Variants in KIAA0408 observed in about 807,000 individuals in gnomAD.
The protein encoded by KIAA0408 is KIAA0408.
KIAA0408 carries 51 observed loss-of-function variants against 60.9 expected under a neutral mutation model. The ratio of observed to expected loss-of-function variants is 0.84; its 90% CI spans 0.67 to 1.06. The LOEUF is 1.06. Among genes scored for constraint, KIAA0408 ranks in the 50% least tolerant of loss-of-function variants. The pLI is 0.00. For missense variants in KIAA0408, 787 were observed against 833.9 expected (o/e 0.94, Z 0.69); for synonymous variants, 304 against 282.4 (o/e 1.08, Z -0.77).
rs760185660 is a variant in KIAA0408 at position 127,447,546 on chromosome 6, T to C, written c.773A>G (p.Asp258Gly). 1 of 1,610,872 alleles carries C rather than the reference T, an allele frequency of 6.2e-7. No individual in the cohort carries two copies. Among genetic ancestry groups the C allele is most frequent in the Non-Finnish European group, 8.5e-7 (1 of 1,179,170 alleles). Reference sequence around the variant, plus strand: ...TGGTGGAGTTTCATTTCTTTTTAAATCGATTGTATCAATTCCACATTTTTT... The same window carrying C: ...TGGTGGAGTTTCATTTCTTTTTAAACCGATTGTATCAATTCCACATTTTTT... Reference protein sequence around the residue: ...STKKCGIDTIDLKRNETPPVP... With the variant: ...STKKCGIDTIGLKRNETPPVP... The change falls in exon 5 of 6, where the codon GAT (aspartate) becomes GGT (glycine). Residue 258 changes from aspartate to glycine, a missense_variant. Physicochemically the swap from Asp to Gly is moderately conservative, Grantham distance 94 (BLOSUM62 -1). Around this residue, in one of 3 missense-constraint regions of KIAA0408, gnomAD observed 640 missense variants for 681.3 expected, o/e 0.94. Transcript: ENST00000483725.
intron 1 of KIAA0408, among the ~76,000 whole-genome samples, chr6:127,455,602 G>C (rs1047931820): frequency 7.2e-5 from 11 of 151,988 alleles, no homozygotes; most frequent in African/African-American, 2.7e-4. Context: ...AATAATTTTG[G>C]GATCTATATT....
chr6:127,450,089 C>T lies in KIAA0408; in HGVS notation c.399G>A (p.Leu133=). 1 of 1,614,122 alleles carries T rather than the reference C, an allele frequency of 6.2e-7. No individual in the cohort carries two copies. The highest frequency in any genetic ancestry group is 1.3e-5 in the African/African-American group (1 of 75,054). Residue 133 remains leucine (L), a synonymous_variant, in exon 3 of 6, where the codon TTG becomes TTA. Coordinates refer to ENST00000483725, the MANE Select transcript of KIAA0408 (RefSeq NM_014702.5). ...KATKKSKVGF[L]DPLATDNQKE... ...TTTGGTTGTCTGTAGCCAAAGGATC[C>T]AAAAACCCTACTTTTGATTTTTTTG...
In KIAA0408 at chr6:127,444,055, C is replaced by G; in HGVS notation, c.*54G>C. On this transcript the variant is annotated 3_prime_UTR_variant, in exon 6 of 6. Coordinates refer to ENST00000483725, the MANE Select transcript of KIAA0408 (RefSeq NM_014702.5). ...TCCGCCTGTAAACACTCAGAATGCT[C>G]TGTTTGACAAGTGGGACTAGAACTT... 1 of 1,554,532 alleles carries G rather than the reference C, an allele frequency of 6.4e-7. No individual in the cohort carries two copies. The highest frequency in any genetic ancestry group is 1.1e-5 in the South Asian group (1 of 88,942).
At position 127,446,317 on chromosome 6, in the gene KIAA0408, C is replaced by T. The variant is rs1773192306; in HGVS notation, c.1911+91G>A. ...AAGAAGAGTCCAAAACTTGTGCCCT[C>T]ATTCTATTTATATGAATTGGACATA... On this transcript the variant is annotated intron_variant, in intron 5 of 5. Coordinates refer to ENST00000483725, the MANE Select transcript of KIAA0408 (RefSeq NM_014702.5). 5.9e-6 allele frequency: 9 copies of T among 1,514,158 alleles called. No homozygotes were observed. The Admixed American group carries it at 1.7e-4, about 29-fold the overall frequency. 93.8% of individuals were successfully genotyped at this position (1,514,158 alleles called of 1,614,324 possible). A position where few individuals can be genotyped will look rare whatever the true frequency, so the allele number is the denominator to read the frequency against.
In KIAA0408 at chr6:127,447,725, A is replaced by C. The variant is rs1773229501; in HGVS notation, c.594T>G (p.Ser198=). 1 of 1,553,140 alleles carries C rather than the reference A, an allele frequency of 6.4e-7. No individual in the cohort carries two copies. Among genetic ancestry groups the C allele is most frequent in the African/African-American group, 1.4e-5 (1 of 72,174 alleles). ...RSNHRRMKSD[S]FLQEMPNVTN... Reference sequence around the variant, plus strand: ...TTACATTTGGCATTTCCTGGAGAAAAGAATCTGACTTCATCCTAAACAATG... The same window carrying C: ...TTACATTTGGCATTTCCTGGAGAAACGAATCTGACTTCATCCTAAACAATG... Residue 198 remains serine (S), a synonymous_variant, in exon 5 of 6, where the codon TCT becomes TCG. Coordinates refer to ENST00000483725, the MANE Select transcript of KIAA0408 (RefSeq NM_014702.5).
At position 127,446,531 on chromosome 6, in the gene KIAA0408, A is replaced by T. The variant is rs142246737; in HGVS notation, c.1788T>A (p.Ser596Arg). 6.8e-6 allele frequency: 11 copies of T among 1,614,044 alleles called. No homozygotes were observed. Among genetic ancestry groups the T allele is most frequent in the African/African-American group, 1.3e-5 (1 of 74,918 alleles). The change falls in exon 5 of 6, where the codon AGT becomes AGA. Residue 596 changes from serine (S) to arginine (R), a missense_variant. Coordinates refer to ENST00000483725, the MANE Select transcript of KIAA0408 (RefSeq NM_014702.5). ...DNWTKCNSDV[S>R]GGATLSQHLE... is the part of the protein sequence containing the mutation. ...AATGCTGACTTAATGTGGCACCACC[A>T]CTGACATCAGAATTACATTTGGTCC...
At position 127,440,181 on chromosome 6, in the gene KIAA0408, C is replaced by T. The variant is rs1404248104; in HGVS notation, c.*3928G>A. 2 of 152,172 alleles carry T rather than the reference C, an allele frequency of 1.3e-5. No individual in the cohort carries two copies. Among genetic ancestry groups the T allele is most frequent in the East Asian group, 3.9e-4 (2 of 5,182 alleles). 9.4% of individuals were successfully genotyped at this position (152,172 alleles called of 1,614,324 possible). The stretch of plus-strand genomic sequence containing the variant: ...AAAATTATTTTCTATGATGAATATG[C>T]ATACAATAAAAATGACGAGAAATCA... On this transcript the variant is annotated 3_prime_UTR_variant, in exon 6 of 6. Coordinates refer to ENST00000483725, the MANE Select transcript of KIAA0408 (RefSeq NM_014702.5).
rs183652089 is a variant in KIAA0408 at position 127,442,189 on chromosome 6, T to C, written c.*1920A>G. 6.6e-5 allele frequency: 10 copies of C among 152,332 alleles called. No homozygotes were observed. Among genetic ancestry groups the C allele is most frequent in the Admixed American group, 2.0e-4 (3 of 15,292 alleles). 9.4% of individuals were successfully genotyped at this position (152,332 alleles called of 1,614,324 possible). On this transcript the variant is annotated 3_prime_UTR_variant, in exon 6 of 6. Transcript: ENST00000483725. The stretch of plus-strand genomic sequence containing the variant: ...ATATGGGGTGAGATCAGAAATTTCA[T>C]TTTTTAAAGAGATCCTCAATATTCT...
rs147658633 is a variant in KIAA0408, at chr6:127,453,901, A to G, written c.81T>C (p.Asn27=). The change falls in exon 2 of 6, where the codon AAT becomes AAC. Residue 27 remains asparagine, a synonymous_variant. Transcript: ENST00000483725. ...EKMELLDQFD[N]ERKEWESQWK... is the part of the protein sequence containing the mutation. ...ATTGACTTTCCCATTCCTTTCTTTC[A>G]TTGTCAAACTGGTCCAGTAATTCCA... 1,036 of 1,612,782 alleles carry G rather than the reference A, an allele frequency of 6.4e-4. 2 individuals are homozygous for G. The highest frequency in any genetic ancestry group is 1.7e-3 in the Middle Eastern group (10 of 6,056).
Position 127,446,915 on chromosome 6 carries a change from T to C in KIAA0408, c.1404A>G (p.Ser468=). 6.2e-7 allele frequency: 1 copy of C among 1,614,168 alleles called. No homozygotes were observed. Among genetic ancestry groups the C allele is most frequent in the Non-Finnish European group, 8.5e-7 (1 of 1,180,008 alleles). ...TATCACAGGGCTTGAGATCCTCCGA[T>C]GATTTTGAGCAGCTGTGATTTTGCT... ...AIQQNHSCSK[S]SEDLKPCDTS... Residue 468 remains serine (S), a synonymous_variant, in exon 5 of 6, where the codon TCA becomes TCG. Transcript: ENST00000483725.
At chr6:127,449,541 A>G (rs764582736) in intron 4 of KIAA0408, among the ~76,000 whole-genome samples, 4 of 152,172 alleles carry the variant, frequency 2.6e-5, no homozygotes, top group Admixed American at 6.5e-5. Flanking sequence ...AGTCCCAGCT[A>G]CTTGGGAGAC....
intron 5 of KIAA0408, 87 bp downstream of exon 5, chr6:127,446,321 C>T: frequency 6.6e-7 from 1 of 1,515,314 alleles, no homozygotes; most frequent in Non-Finnish European, 8.8e-7. Context: ...TGCCCTCATT[C>T]TATTTATATG....
intron 2 of KIAA0408, among the ~76,000 whole-genome samples, chr6:127,453,239 G>T (rs1773332514): frequency 6.6e-6 from 1 of 151,898 alleles, no homozygotes; most frequent in Non-Finnish European, 1.5e-5. Context: ...ACTGAGGGAG[G>T]GTTAACGGGA....
chr6:127,449,403 A>C (rs1327165794), intron 4 of KIAA0408, among the ~76,000 whole-genome samples: 3 of 152,100 alleles, frequency 2.0e-5, no homozygotes, highest in Non-Finnish European at 4.4e-5. Context: ...TAATCCCAGC[A>C]CTTTGGGAGG....
rs1419266761 is a variant in KIAA0408, at chr6:127,438,906, G to A, written c.*5203C>T. 2 of 152,130 alleles carry A rather than the reference G, an allele frequency of 1.3e-5. No individual in the cohort carries two copies. Among genetic ancestry groups the A allele is most frequent in the East Asian group, 3.8e-4 (2 of 5,196 alleles). 9.4% of individuals were successfully genotyped at this position (152,130 alleles called of 1,614,324 possible). On this transcript the variant is annotated 3_prime_UTR_variant, in exon 6 of 6. Transcript: ENST00000483725. ...CTTAATCTTCAATATTAAGAGGTAG[G>A]GCCTTTAGGAGGTGATTGGATTATG...
chr6:127,449,723 T>C, intron 4 of KIAA0408, 99 bp downstream of exon 4: 2 of 1,456,668 alleles, frequency 1.4e-6, no homozygotes, highest in Non-Finnish European at 1.9e-6. Context: ...AATAACTCAT[T>C]AGTTCTTACA....
At position 127,447,341 on chromosome 6, in the gene KIAA0408, A is replaced by G. The variant is rs767112380; in HGVS notation, c.978T>C (p.Asn326=). 1.2e-6 allele frequency: 2 copies of G among 1,613,162 alleles called. No homozygotes were observed. The change falls in exon 5 of 6, where the codon AAT becomes AAC. Residue 326 remains asparagine, a synonymous_variant. Coordinates refer to ENST00000483725, the MANE Select transcript of KIAA0408 (RefSeq NM_014702.5). ...TACCATCTTTCGAAGTTTTCCCTTCATTTGGATACAACATAGACATCTCTT... is the reference window on the plus strand; with the variant it reads ...TACCATCTTTCGAAGTTTTCCCTTCGTTTGGATACAACATAGACATCTCTT... ...RQQEMSMLYP[N]EGKTSKDGII...
At chr6:127,449,759 A>G in intron 4 of KIAA0408, 63 bp downstream of exon 4, 1 of 1,601,556 alleles carries the variant, frequency 6.2e-7, no homozygotes, top group South Asian at 1.1e-5. Flanking sequence ...GTTTGGAGTC[A>G]TTAACTAAAA....
chr6:127,458,949 G>T (rs1773441369), intron 1 of KIAA0408, among the ~76,000 whole-genome samples: 1 of 152,160 alleles, frequency 6.6e-6, no homozygotes, highest in South Asian at 2.1e-4. Context: ...CCACAGTTGG[G>T]AAATCCACCC....
Sources: allele counts gnomAD v4.1 joint callset (sites outside exome capture counted in the v4.1 genomes callset), GRCh38; gene constraint gnomAD v4.1.1; regional missense constraint gnomAD v4.1.1; transcripts MANE v1.5; gene names NCBI Gene and HGNC (gene_info 2026-07-23, HGNC 2026-07-21).